UNC80: variants seen among roughly 807,000 people sequenced by gnomAD.
UNC80 encodes the protein unc-80 subunit of NALCN channel complex, also known as protein unc-80 homolog.
In UNC80, 164 loss-of-function variants were observed where a neutral mutation model predicts 384.6. The observed-to-expected ratio is 0.43, with a 90% confidence interval of 0.38 to 0.49. UNC80 has a LOEUF of 0.49. UNC80 is among the 20% of genes least tolerant of loss of function. The pLI, the probability that UNC80 is intolerant of heterozygous loss-of-function variation, is 0.00. For synonymous variants in UNC80, 1,486 were observed against 1,527.8 expected (o/e 0.97, Z 0.64); for missense variants, 3,330 against 4,143.0 (o/e 0.80, Z 5.39).
rs75479231 is a variant in UNC80 at position 209,997,451 on chromosome 2, C to T, written c.*1856C>T. ...ACAAGTGTCTGGGCTATTGGCGCGT[C>T]TCTATATATGTGTGTGCTTTGTTCC... On this transcript the variant is annotated 3_prime_UTR_variant, in exon 65 of 65. Transcript: ENST00000673920. The T allele has an allele frequency of 1.2e-4, 18 of 152,264 alleles. No homozygotes were observed. The East Asian group carries it at 3.5e-3, about 29-fold the overall frequency. The allele number at this position is 152,264 out of a possible 1,614,324, so 9.4% of individuals were successfully genotyped here. A position where few individuals can be genotyped will look rare whatever the true frequency, so the allele number is the denominator to read the frequency against.
intron 31 of UNC80, among the ~76,000 whole-genome samples, chr2:209,915,768 C>T (rs1016630326): frequency 6.6e-6 from 1 of 152,064 alleles, no homozygotes; most frequent in Non-Finnish European, 1.5e-5. Context: ...CTAATGGGTA[C>T]GAACCTACAG....
intron 29 of UNC80, 128 bp downstream of exon 29, chr2:209,905,093 A>G: frequency 1.1e-6 from 1 of 920,294 alleles, no homozygotes; most frequent in Non-Finnish European, 1.7e-6. Flanking sequence ...ATCTAAACAT[A>G]AGCAGAAGAG....
intron 35 of UNC80, 90 bp downstream of exon 35, chr2:209,922,473 G>T: frequency 7.6e-7 from 1 of 1,313,258 alleles, no homozygotes. Flanking sequence ...TGATTACATT[G>T]TCTTCATTAA....
At chr2:209,901,605 T>C (rs1312777026) in intron 28 of UNC80, among the ~76,000 whole-genome samples, 1 of 152,138 alleles carries the variant, frequency 6.6e-6, no homozygotes, top group Admixed American at 6.5e-5. Flanking sequence ...CAAGGTGTAT[T>C]TTGACTTTCA....
intron 4 of UNC80, among the ~76,000 whole-genome samples, chr2:209,783,375 AT>A (rs2077252924): frequency 6.6e-6 from 1 of 152,134 alleles, no homozygotes. Flanking sequence ...GAGTTTATAC[AT>A]TTATCCAAGT....
chr2:209,878,887 G>A (rs530209933), intron 24 of UNC80, among the ~76,000 whole-genome samples: 2 of 152,248 alleles, frequency 1.3e-5, no homozygotes, highest in South Asian at 2.1e-4. Context: ...CTGACTACAT[G>A]TTAAGAGTTG....
Position 209,833,984 on chromosome 2 carries a change from C to A in UNC80, c.2776-18C>A, listed in dbSNP as rs1387837391. 2 of 1,547,048 alleles carry A rather than the reference C, an allele frequency of 1.3e-6. No individual in the cohort carries two copies. The highest frequency in any genetic ancestry group is 4.9e-5 in the East Asian group (2 of 40,880). On this transcript the variant is annotated intron_variant, in intron 16 of 64. Coordinates refer to ENST00000673920, the MANE Select transcript of UNC80 (RefSeq NM_001371986.1). ...CAGCTATCTTTCTTTCTCCAACTTC[C>A]TTCTTGCCTCCAAACAGGGACTGTA...
intron 13 of UNC80, among the ~76,000 whole-genome samples, chr2:209,825,345 T>A (rs2080436001): frequency 6.6e-6 from 1 of 152,202 alleles, no homozygotes; most frequent in African/African-American, 2.4e-5. Flanking sequence ...AAGGGAAGAA[T>A]CAAGCTGAAC....
intron 32 of UNC80, 86 bp downstream of exon 32, chr2:209,918,044 G>A: frequency 7.7e-7 from 1 of 1,292,126 alleles, no homozygotes; most frequent in Admixed American, 2.3e-5. Flanking sequence ...GTCACAGTAT[G>A]TGGCCAAAGA....
At chr2:209,836,088 C>CATGAATGA (rs57160356) in intron 18 of UNC80, among the ~76,000 whole-genome samples, 80,857 of 151,260 alleles carry the variant, frequency 0.53, 22,355 homozygotes, top group Admixed American at 0.62. Context: ...ATCTATATTT[C>CATGAATGA]ATGAATGAAT....
At chr2:209,924,285 ATTTG>A (rs1328109774) in intron 35 of UNC80, among the ~76,000 whole-genome samples, 1 of 152,026 alleles carries the variant, frequency 6.6e-6, no homozygotes, top group African/African-American at 2.4e-5. Flanking sequence ...TTGTGTTGCT[ATTTG>A]TTTGTTTAGT....
In UNC80 at chr2:209,795,035, G is replaced by T. The variant is rs540072669; in HGVS notation, c.938+1176G>T. The T allele has an allele frequency of 2.5e-3, 564 of 225,506 alleles. 15 individuals are homozygous for T. The South Asian group carries it at 0.027, about 11-fold the overall frequency. The allele number at this position is 225,506 out of a possible 1,614,324, so 14.0% of individuals were successfully genotyped here. ...GAACAGTTTGAAGAGCTCAGAAGAAGACAGGGAAGTGTGGAAAAGTTTGGA... is the reference window on the plus strand; with the variant it reads ...GAACAGTTTGAAGAGCTCAGAAGAATACAGGGAAGTGTGGAAAAGTTTGGA... On this transcript the variant is annotated intron_variant, in intron 7 of 64. Coordinates refer to ENST00000673920, the MANE Select transcript of UNC80 (RefSeq NM_001371986.1).
chr2:209,771,941 C>A lies in UNC80; in HGVS notation c.-132C>A. 1 of 679,058 alleles carries A rather than the reference C, an allele frequency of 1.5e-6. No homozygotes were observed. The highest frequency in any genetic ancestry group is 1.5e-5 in the South Asian group (1 of 64,716). 42.1% of individuals were successfully genotyped at this position (679,058 alleles called of 1,614,324 possible). A position where few individuals can be genotyped will look rare whatever the true frequency, so the allele number is the denominator to read the frequency against. ...GGGGGAGGGGAGAGGCACGGGGGATCAGGGCGGAGAGAGCCGGCTCTGCCT... is the reference window on the plus strand; with the variant it reads ...GGGGGAGGGGAGAGGCACGGGGGATAAGGGCGGAGAGAGCCGGCTCTGCCT... On this transcript the variant is annotated 5_prime_UTR_variant, in exon 1 of 65. The change creates a premature stop within an existing upstream ORF in the 5' untranslated region. Coordinates refer to ENST00000673920, the MANE Select transcript of UNC80 (RefSeq NM_001371986.1).
At chr2:209,963,826 A>G (rs1285404129) in intron 51 of UNC80, among the ~76,000 whole-genome samples, 1 of 152,222 alleles carries the variant, frequency 6.6e-6, no homozygotes, top group Non-Finnish European at 1.5e-5. Context: ...ATGAAGGGTC[A>G]TGATGGAGAA....
At chr2:209,961,767 G>C (rs576590251) in intron 51 of UNC80, among the ~76,000 whole-genome samples, 1 of 152,216 alleles carries the variant, frequency 6.6e-6, no homozygotes, top group Admixed American at 6.5e-5. Flanking sequence ...AATCTTGTAG[G>C]GGCCAAGGGA....
chr2:209,948,064 A>G (rs1225726270), intron 47 of UNC80, among the ~76,000 whole-genome samples: 2 of 152,210 alleles, frequency 1.3e-5, no homozygotes, highest in African/African-American at 4.8e-5. Flanking sequence ...TGACTATGTT[A>G]CAATTTATTT....
Position 209,969,916 on chromosome 2 carries a change from TG to T in UNC80, c.8130+26del, listed in dbSNP as rs749638139. The T allele has an allele frequency of 2.1e-5, 32 of 1,551,058 alleles. No homozygotes were observed. The Middle Eastern group carries it at 5.0e-4, about 24-fold the overall frequency. ...GGTGAGTAGCCAAGTGGCAATCTTATGAAACTTTGCACAATGTAACTCTGCT... is the reference window on the plus strand; with the variant it reads ...GGTGAGTAGCCAAGTGGCAATCTTATAAACTTTGCACAATGTAACTCTGCT... On this transcript the variant is annotated intron_variant, in intron 53 of 64. Coordinates refer to ENST00000673920, the MANE Select transcript of UNC80 (RefSeq NM_001371986.1).
chr2:209,985,702 C>A (rs2093273004), intron 61 of UNC80, among the ~76,000 whole-genome samples: 1 of 152,220 alleles, frequency 6.6e-6, no homozygotes, highest in Non-Finnish European at 1.5e-5. Context: ...AACTAATCCT[C>A]ATTAGGGGTA....
chr2:209,893,169 T>G (rs1288662729), intron 26 of UNC80, among the ~76,000 whole-genome samples: 1 of 152,212 alleles, frequency 6.6e-6, no homozygotes, highest in Admixed American at 6.5e-5. Context: ...ATTGGGAATT[T>G]TAAAATATTA....
Sources: allele counts gnomAD v4.1 joint callset (sites outside exome capture counted in the v4.1 genomes callset), GRCh38; gene constraint gnomAD v4.1.1; transcripts MANE v1.5; gene names NCBI Gene and HGNC (gene_info 2026-07-23, HGNC 2026-07-21).